The following SPOCK3 variants were observed in gnomAD, a reference collection of about 807,000 sequenced individuals.
SPOCK3 encodes SPARC (osteonectin), cwcv and kazal like domains proteoglycan 3.
SPOCK3 carries 30 observed loss-of-function variants against 56.6 expected under a neutral mutation model. The ratio of observed to expected loss-of-function variants is 0.53; its 90% CI spans 0.40 to 0.72. SPOCK3 has a LOEUF of 0.72. Among genes scored for constraint, SPOCK3 ranks in the 30% least tolerant of loss-of-function variants. The pLI is 0.00. For missense variants in SPOCK3, 527 were observed against 530.0 expected (o/e 0.99, Z 0.06); for synonymous variants, 196 against 183.3 (o/e 1.07, Z -0.56).
rs1735829736 is a variant in SPOCK3, at chr4:166,899,682, A to G, written c.475-10438T>C. On this transcript the variant is annotated intron_variant, in intron 5 of 10. Transcript: ENST00000357545. ...CAGGCACACGCCACCATGCCCGTCT[A>G]ATTTTTGTATTTTTAGTACAGATGG... Among the ~76,000 whole-genome samples, 3 of 151,520 alleles carry G rather than the reference A, an allele frequency of 2.0e-5. No homozygotes were observed. In the South Asian group the frequency reaches 6.3e-4, roughly 32 times the overall value.
chr4:166,847,440 C>T (rs1460319862), intron 6 of SPOCK3, among the ~76,000 whole-genome samples: 1 of 151,588 alleles, frequency 6.6e-6, no homozygotes, highest in Non-Finnish European at 1.5e-5. Context: ...ATACACTAAA[C>T]TTGCAATTCT....
At chr4:167,013,351 C>T (rs1462639271) in intron 3 of SPOCK3, among the ~76,000 whole-genome samples, 4 of 151,488 alleles carry the variant, frequency 2.6e-5, no homozygotes, top group Non-Finnish European at 5.9e-5. Flanking sequence ...TTTAAAATAC[C>T]ATTCTCTTTG....
At chr4:167,147,128 T>C (rs909248769) in intron 2 of SPOCK3, among the ~76,000 whole-genome samples, 9 of 152,092 alleles carry the variant, frequency 5.9e-5, no homozygotes, top group African/African-American at 2.2e-4. Context: ...ATAAAGGGGA[T>C]ATCACCACTG....
chr4:166,931,173 G>C (rs1304866769), intron 4 of SPOCK3, among the ~76,000 whole-genome samples: 1 of 152,092 alleles, frequency 6.6e-6, no homozygotes, highest in Non-Finnish European at 1.5e-5. Context: ...GTGGAGATGG[G>C]GTTTCACCAT....
rs182063496 is a variant in SPOCK3, at chr4:167,212,561, C to T, written c.189+21424G>A. Among the ~76,000 whole-genome samples, 202 of 152,208 alleles carry T rather than the reference C, an allele frequency of 1.3e-3. 1 individual carries two copies. In the South Asian group the frequency reaches 0.014, roughly 10 times the overall value. ...CAGCCAAAGATTTATTCTTATACCT[C>T]TGAATATAGACAGAAATCTGGACTC... On this transcript the variant is annotated intron_variant, in intron 2 of 10. Coordinates refer to ENST00000357545, the MANE Select transcript of SPOCK3 (RefSeq NM_001040159.2).
intron 4 of SPOCK3, among the ~76,000 whole-genome samples, chr4:166,952,850 A>G (rs1438623165): frequency 1.3e-5 from 2 of 152,066 alleles, no homozygotes; most frequent in Admixed American, 6.5e-5. Flanking sequence ...TCCCTATTTA[A>G]TAAATGGTGC....
At chr4:166,871,789 AT>A (rs1318947513) in intron 6 of SPOCK3, among the ~76,000 whole-genome samples, 10 of 150,876 alleles carry the variant, frequency 6.6e-5, no homozygotes, top group East Asian at 1.9e-4. Context: ...TAGCAAAAAA[AT>A]ATTTAAAAAT....
intron 6 of SPOCK3, among the ~76,000 whole-genome samples, chr4:166,828,327 A>G (rs993022751): frequency 6.6e-6 from 1 of 151,976 alleles, no homozygotes; most frequent in African/African-American, 2.4e-5. Flanking sequence ...TTATAACCTA[A>G]ATTTTTCAAA....
chr4:167,181,820 C>T (rs1055777077), intron 2 of SPOCK3, among the ~76,000 whole-genome samples: 3 of 152,158 alleles, frequency 2.0e-5, no homozygotes, highest in Admixed American at 6.5e-5. Flanking sequence ...TGCTTCTTCT[C>T]ACTAATTTTA....
chr4:166,811,790 A>G (rs1163445400), intron 6 of SPOCK3, among the ~76,000 whole-genome samples: 1 of 151,932 alleles, frequency 6.6e-6, no homozygotes, highest in Non-Finnish European at 1.5e-5. Context: ...TTTCAAAGCT[A>G]TACTTTGTTA....
At position 167,058,120 on chromosome 4, in the gene SPOCK3, A is replaced by T. The variant is rs150051881; in HGVS notation, c.235+4372T>A. ...AGGGATGCCCTCTCTCACCACTCCT[A>T]TTCAACATAGTGTTGGAAGTTCTGG... On this transcript the variant is annotated intron_variant, in intron 3 of 10. Coordinates refer to ENST00000357545, the MANE Select transcript of SPOCK3 (RefSeq NM_001040159.2). 4.1e-3 allele frequency among the ~76,000 whole-genome samples: 619 copies of T among 152,260 alleles called. 9 individuals carry two copies. The highest frequency in any genetic ancestry group is 0.014 in the African/African-American group (566 of 41,560).
intron 6 of SPOCK3, among the ~76,000 whole-genome samples, chr4:166,803,583 C>T (rs1488426359): frequency 6.6e-6 from 1 of 152,268 alleles, no homozygotes; most frequent in East Asian, 1.9e-4. Context: ...TCCTGCAAAA[C>T]ATAGATAAAT....
intron 4 of SPOCK3, among the ~76,000 whole-genome samples, chr4:166,962,947 T>G (rs902983061): frequency 6.6e-6 from 1 of 152,030 alleles, no homozygotes; most frequent in African/African-American, 2.4e-5. Flanking sequence ...GTTCAAAATT[T>G]GTTGTATGTT....
chr4:166,918,473 A>G (rs1738127409), intron 4 of SPOCK3: 1 of 152,172 alleles, frequency 6.6e-6, no homozygotes. Context: ...TCAGGGTGGT[A>G]TAGAATTAGG....
At chr4:166,912,205 C>A (rs139669086) in intron 5 of SPOCK3, among the ~76,000 whole-genome samples, 3,986 of 152,056 alleles carry the variant, frequency 0.026, 188 homozygotes, top group African/African-American at 0.091. Context: ...CTGTTTTTTT[C>A]ATCTGGTAAA....
chr4:167,172,777 T>A lies in SPOCK3; in HGVS notation c.189+61208A>T, dbSNP rs576693188. On this transcript the variant is annotated intron_variant, in intron 2 of 10. Coordinates refer to ENST00000357545, the MANE Select transcript of SPOCK3 (RefSeq NM_001040159.2). Reference sequence around the variant, plus strand: ...GTGTGTGTGTGTATATGTATATGTGTTTATGTATATATGCAAGTATTTCAT... The same window carrying A: ...GTGTGTGTGTGTATATGTATATGTGATTATGTATATATGCAAGTATTTCAT... 2.6e-5 allele frequency among the ~76,000 whole-genome samples: 4 copies of A among 152,288 alleles called. No individual in the cohort carries two copies. The East Asian group carries it at 7.7e-4, about 29-fold the overall frequency.
chr4:166,767,945 G>A (rs1226697145), intron 7 of SPOCK3, among the ~76,000 whole-genome samples: 1 of 152,046 alleles, frequency 6.6e-6, no homozygotes, highest in Non-Finnish European at 1.5e-5. Context: ...ATTATGTAAT[G>A]GCCTTCTTTT....
chr4:166,974,604 C>T (rs1745746375), intron 4 of SPOCK3, among the ~76,000 whole-genome samples: 3 of 152,066 alleles, frequency 2.0e-5, no homozygotes, highest in Admixed American at 2.0e-4. Context: ...TGTGTATACT[C>T]ATTGTCTCTA....
intron 3 of SPOCK3, among the ~76,000 whole-genome samples, chr4:167,010,932 A>G (rs1326972504): frequency 6.6e-6 from 1 of 152,170 alleles, no homozygotes; most frequent in Admixed American, 6.6e-5. Context: ...AGGGCAATGG[A>G]GCAAATTATT....
Sources: allele counts gnomAD v4.1 joint callset (sites outside exome capture counted in the v4.1 genomes callset), GRCh38; gene constraint gnomAD v4.1.1; transcripts MANE v1.5; gene names NCBI Gene and HGNC (gene_info 2026-07-23, HGNC 2026-07-21).